Variants in SLC39A11 observed in about 807,000 individuals in gnomAD.
SLC39A11 encodes zinc transporter ZIP11.
In SLC39A11, 33 loss-of-function variants were observed where a neutral mutation model predicts 36.1. That is an observed-to-expected ratio of 0.91 (90% CI 0.69 to 1.22). SLC39A11 has a LOEUF of 1.22. Among genes scored for constraint, SLC39A11 ranks in the 50% most tolerant of loss-of-function variants. SLC39A11 has a pLI of 0.00. For missense variants in SLC39A11, 432 were observed against 430.3 expected, an observed-to-expected ratio of 1.00 and a Z score of -0.03; for synonymous variants, 166 against 170.3, an observed-to-expected ratio of 0.97 and a Z score of 0.20.
chr17:72,662,146 G>A (rs925029067), intron 7 of SLC39A11, among the ~76,000 whole-genome samples: 1 of 152,102 alleles, frequency 6.6e-6, no homozygotes, highest in South Asian at 2.1e-4. Flanking sequence ...GTTCGCGCCT[G>A]TAATCCCAGC....
chr17:72,897,777 A>C (rs1036432426), intron 5 of SLC39A11, among the ~76,000 whole-genome samples: 1 of 152,178 alleles, frequency 6.6e-6, no homozygotes, highest in African/African-American at 2.4e-5. Context: ...AAAAACAAAA[A>C]CAGGCGGCAA....
intron 6 of SLC39A11, among the ~76,000 whole-genome samples, chr17:72,764,855 G>T (rs2075710240): frequency 6.6e-6 from 1 of 152,154 alleles, no homozygotes; most frequent in Non-Finnish European, 1.5e-5. Flanking sequence ...CATCCATCCA[G>T]TGATGGTGGA....
intron 5 of SLC39A11, among the ~76,000 whole-genome samples, chr17:72,878,204 T>C (rs1399066426): frequency 6.6e-6 from 1 of 152,098 alleles, no homozygotes; most frequent in Non-Finnish European, 1.5e-5. Context: ...CACATTTTCT[T>C]AATGGCACAA....
At chr17:72,781,646 C>T (rs1365092620) in intron 6 of SLC39A11, among the ~76,000 whole-genome samples, 1 of 152,078 alleles carries the variant, frequency 6.6e-6, no homozygotes, top group Non-Finnish European at 1.5e-5. Context: ...GTCTTGGTCT[C>T]CTGACCTCAT....
At chr17:72,746,386 A>G (rs1195215433) in intron 6 of SLC39A11, among the ~76,000 whole-genome samples, 1 of 152,138 alleles carries the variant, frequency 6.6e-6, no homozygotes, top group Admixed American at 6.5e-5. Context: ...TGGGAGGCTG[A>G]GGCAGGAAGA....
intron 4 of SLC39A11, among the ~76,000 whole-genome samples, chr17:72,976,390 A>G (rs933513309): frequency 1.3e-5 from 2 of 152,102 alleles, no homozygotes; most frequent in Non-Finnish European, 2.9e-5. Flanking sequence ...GGCAAACAAC[A>G]ACTCAGTCCC....
chr17:72,938,672 G>A (rs139986462), intron 5 of SLC39A11, among the ~76,000 whole-genome samples: 142 of 152,248 alleles, frequency 9.3e-4, no homozygotes, highest in East Asian at 8.3e-3. Flanking sequence ...TTAAATCTTC[G>A]ACAAATAAAA....
chr17:72,942,598 A>G (rs1422897408), intron 5 of SLC39A11, among the ~76,000 whole-genome samples: 1 of 152,224 alleles, frequency 6.6e-6, no homozygotes, highest in Non-Finnish European at 1.5e-5. Flanking sequence ...CAAAAGGAAC[A>G]TGTCCTTCAG....
rs139389361 is a variant in SLC39A11 at position 73,083,952 on chromosome 17, A to G, written c.147+856T>C. Reference sequence around the variant, plus strand: ...TTTTTAAAAAGTCATTCAGTTAGACATGTGTGTTGAATTTACAGGTGGAAT... The same window carrying G: ...TTTTTAAAAAGTCATTCAGTTAGACGTGTGTGTTGAATTTACAGGTGGAAT... On this transcript the variant is annotated intron_variant, in intron 3 of 9. Transcript: ENST00000255559. Among the ~76,000 whole-genome samples the G allele has an allele frequency of 3.0e-3, 460 of 152,272 alleles. 4 individuals are homozygous for G. The highest frequency in any genetic ancestry group is 0.011 in the African/African-American group (445 of 41,562).
In SLC39A11 at chr17:73,006,536, A is replaced by G. The variant is rs141047023; in HGVS notation, c.306+25020T>C. ...GGCTACAAAGCCTAAAATATTTACT[A>G]TCTGACCTTTTACAGAAAAAGTGTG... On this transcript the variant is annotated intron_variant, in intron 4 of 9. Coordinates refer to ENST00000255559, the MANE Select transcript of SLC39A11 (RefSeq NM_139177.4). 2.7e-3 allele frequency among the ~76,000 whole-genome samples: 406 copies of G among 152,232 alleles called. 1 individual carries two copies. Among genetic ancestry groups the G allele is most frequent in the African/African-American group, 9.1e-3 (376 of 41,530 alleles).
chr17:72,675,495 C>G (rs1299847917), intron 7 of SLC39A11, among the ~76,000 whole-genome samples: 1 of 152,208 alleles, frequency 6.6e-6, no homozygotes, highest in African/African-American at 2.4e-5. Flanking sequence ...CATGTAGCAA[C>G]AGTCAACATA....
chr17:72,884,456 A>G (rs2081356635), intron 5 of SLC39A11, among the ~76,000 whole-genome samples: 1 of 152,250 alleles, frequency 6.6e-6, no homozygotes. Flanking sequence ...AACTGCAGCA[A>G]TTATGACTAC....
intron 3 of SLC39A11, among the ~76,000 whole-genome samples, chr17:73,079,098 T>C (rs2060428592): frequency 6.6e-6 from 1 of 152,054 alleles, no homozygotes; most frequent in African/African-American, 2.4e-5. Flanking sequence ...TCTATTGATT[T>C]TGTTTGTTTG....
intron 5 of SLC39A11, among the ~76,000 whole-genome samples, chr17:72,923,822 T>C (rs942636333): frequency 2.0e-5 from 3 of 151,966 alleles, no homozygotes; most frequent in Non-Finnish European, 4.4e-5. Context: ...AATTGCAAGA[T>C]ACAATGATTT....
intron 3 of SLC39A11, among the ~76,000 whole-genome samples, chr17:73,047,123 C>A (rs2059322783): frequency 6.6e-6 from 1 of 150,408 alleles, no homozygotes; most frequent in Non-Finnish European, 1.5e-5. Context: ...CTCCCAGGTT[C>A]ACACCATTCT....
intron 3 of SLC39A11, among the ~76,000 whole-genome samples, chr17:73,041,467 G>GC (rs920140020): frequency 8.1e-5 from 12 of 148,324 alleles, no homozygotes; most frequent in African/African-American, 3.2e-4. Flanking sequence ...TGGGTAAGAA[G>GC]CAAGTAAACT....
intron 5 of SLC39A11, among the ~76,000 whole-genome samples, chr17:72,857,922 G>A (rs1223556792): frequency 7.2e-5 from 11 of 152,258 alleles, no homozygotes; most frequent in Admixed American, 5.2e-4. Context: ...CCATTCTGTA[G>A]GTTGTCTGTT....
chr17:72,722,669 C>G (rs1392114499), intron 7 of SLC39A11, among the ~76,000 whole-genome samples: 1 of 151,880 alleles, frequency 6.6e-6, no homozygotes, highest in African/African-American at 2.4e-5. Context: ...GAGTCTCGCT[C>G]TGTTGCCCAG....
chr17:73,091,004 G>A (rs189453558), intron 1 of SLC39A11, among the ~76,000 whole-genome samples: 27 of 152,278 alleles, frequency 1.8e-4, no homozygotes, highest in Non-Finnish European at 2.4e-4. Context: ...GCACTGGTCC[G>A]GCTTGGGAGC....
Sources: gnomAD v4.1 joint callset for allele counts (sites outside exome capture counted in the v4.1 genomes callset) on GRCh38, gnomAD v4.1.1 for gene constraint, MANE v1.5 for transcripts, NCBI Gene and HGNC (gene_info 2026-07-23, HGNC 2026-07-21) for gene names.